DMD: variants seen among roughly 807,000 people sequenced by gnomAD.
DMD encodes mutant dystrophin.
A neutral mutation model predicts 330.1 loss-of-function variants in DMD; 63 were observed. The ratio of observed to expected loss-of-function variants is 0.19; its 90% CI spans 0.16 to 0.24. DMD has a LOEUF of 0.24. Ranked by LOEUF, DMD falls within the 10% of genes least tolerant of loss-of-function variation. The pLI, the probability that DMD is intolerant of heterozygous loss-of-function variation, is 1.00. For synonymous variants in DMD, 1,223 were observed against 959.8 expected (o/e 1.27, Z -5.07); for missense variants, 3,344 against 2,684.1 (o/e 1.25, Z -5.43).
intron 1 of DMD, among the ~76,000 whole-genome samples, chrX:33,130,879 C>T (rs1281394941): frequency 8.9e-6 from 1 of 111,749 alleles, no homozygotes; most frequent in Admixed American, 9.5e-5. Context: ...AGGCTTTTCA[C>T]TGTTCTAGGA....
At chrX:32,912,398 G>A (rs1415961998) in intron 2 of DMD, among the ~76,000 whole-genome samples, 1 of 110,742 alleles carries the variant, frequency 9.0e-6, no homozygotes, top group Non-Finnish European at 1.9e-5. Flanking sequence ...GTAGAGCAGT[G>A]TAAAGGAGCC....
intron 44 of DMD, among the ~76,000 whole-genome samples, chrX:32,158,048 C>A (rs1197781344): frequency 8.9e-6 from 1 of 112,047 alleles, no homozygotes; most frequent in Non-Finnish European, 1.9e-5. Flanking sequence ...CATTGTAGGG[C>A]AGCAGCTGAA....
At chrX:31,358,799 T>G (rs5927011) in intron 60 of DMD, among the ~76,000 whole-genome samples, 2 of 111,579 alleles carry the variant, frequency 1.8e-5, no homozygotes, top group Non-Finnish European at 3.8e-5. Flanking sequence ...TTTCTGCATT[T>G]TACCTGAAAT....
At chrX:32,848,996 T>A (rs941804762) in intron 3 of DMD, among the ~76,000 whole-genome samples, 1 of 111,239 alleles carries the variant, frequency 9.0e-6, no homozygotes, top group African/African-American at 3.3e-5. Context: ...TGTGTCTGTG[T>A]GTGTATGTGC....
At chrX:32,923,713 A>G (rs2088686346) in intron 2 of DMD, among the ~76,000 whole-genome samples, 1 of 111,983 alleles carries the variant, frequency 8.9e-6, no homozygotes, top group Non-Finnish European at 1.9e-5. Context: ...GTAAAAAGAT[A>G]GTTTTCATCA....
At position 32,940,925 on chromosome X, in the gene DMD, A is replaced by C. The variant is rs1007145586; in HGVS notation, c.93+79214T>G. ...CATATCACACAAAGGTTCAATATCT[A>C]GAATTTACAAGGAACTTAAAAAACT... On this transcript the variant is annotated intron_variant, in intron 2 of 78. Transcript: ENST00000357033. Among the ~76,000 whole-genome samples, 8 of 111,820 alleles carry C rather than the reference A, an allele frequency of 7.2e-5. No homozygotes were observed. In the East Asian group the frequency reaches 2.2e-3, roughly 31 times the overall value.
At chrX:32,250,503 C>A (rs2097259228) in intron 43 of DMD, among the ~76,000 whole-genome samples, 1 of 111,774 alleles carries the variant, frequency 8.9e-6, no homozygotes. Flanking sequence ...GTATTCCTAT[C>A]CATGCGGGTC....
chrX:32,245,869 C>G (rs1457087720), intron 43 of DMD, among the ~76,000 whole-genome samples: 12 of 100,143 alleles, frequency 1.2e-4, no homozygotes, highest in African/African-American at 4.6e-4. Context: ...TGGGCTGAGA[C>G]GATGGGGTTT....
chrX:31,187,753 G>C (rs1260079260), intron 67 of DMD, among the ~76,000 whole-genome samples: 1 of 91,174 alleles, frequency 1.1e-5, no homozygotes, highest in Non-Finnish European at 2.2e-5. Flanking sequence ...GAGAGAGAGA[G>C]AGAGAGAGAG....
At chrX:32,556,953 A>G (rs2050368125) in intron 16 of DMD, among the ~76,000 whole-genome samples, 1 of 111,762 alleles carries the variant, frequency 8.9e-6, no homozygotes, top group Non-Finnish European at 1.9e-5. Context: ...AATACTTGCA[A>G]TAACAGGTAC....
chrX:32,655,215 TTTAA>T (rs1360115246), intron 9 of DMD, among the ~76,000 whole-genome samples: 1 of 112,107 alleles, frequency 8.9e-6, no homozygotes, highest in African/African-American at 3.2e-5. Flanking sequence ...CTCTAGTTCT[TTTAA>T]TTGTTATGTT....
intron 1 of DMD, among the ~76,000 whole-genome samples, chrX:33,275,560 T>C (rs1167782364): frequency 1.8e-5 from 2 of 111,897 alleles, no homozygotes; most frequent in Non-Finnish European, 1.9e-5. Context: ...TAATTATGTG[T>C]CAACACCTGA....
At chrX:31,958,096 G>GCT (rs2095264150) in intron 45 of DMD, among the ~76,000 whole-genome samples, 1 of 74,594 alleles carries the variant, frequency 1.3e-5, no homozygotes, top group Non-Finnish European at 2.5e-5. Context: ...CATTTGGCCT[G>GCT]TTTTTTTTTT....
Position 32,447,595 on chromosome X carries a change from G to A in DMD, c.3786+861C>T, listed in dbSNP as rs1022382173. Among the ~76,000 whole-genome samples, 3 of 111,152 alleles carry A rather than the reference G, an allele frequency of 2.7e-5. No individual in the cohort carries two copies. In the Admixed American group the frequency reaches 2.9e-4, roughly 11 times the overall value. ...CTTTAAATATCAAACCCTCAACATA[G>A]GAAGCAAACTAAATAATGTTTTTCA... is the stretch of plus-strand genomic sequence containing the variant. On this transcript the variant is annotated intron_variant, in intron 27 of 78. Transcript: ENST00000357033.
intron 55 of DMD, among the ~76,000 whole-genome samples, chrX:31,521,228 G>A (rs1049385530): frequency 6.7e-5 from 7 of 105,140 alleles, no homozygotes; most frequent in African/African-American, 2.1e-4. Context: ...GTGTGATCTC[G>A]GCTCACTGCA....
intron 63 of DMD, among the ~76,000 whole-genome samples, chrX:31,254,656 T>C (rs2049744764): frequency 8.9e-6 from 1 of 111,893 alleles, no homozygotes; most frequent in Admixed American, 9.5e-5. Context: ...TGAGCCACTG[T>C]GCCCAGCCTA....
intron 43 of DMD, among the ~76,000 whole-genome samples, chrX:32,277,036 A>G (rs1265264472): frequency 4.5e-5 from 5 of 111,927 alleles, no homozygotes; most frequent in African/African-American, 1.6e-4. Flanking sequence ...TGTTGACCTC[A>G]AGAAGCACTC....
Position 31,509,230 on chromosome X carries a change from T to C in DMD, c.8218-1777A>G, listed in dbSNP as rs181877036. On this transcript the variant is annotated intron_variant, in intron 55 of 78. Coordinates refer to ENST00000357033, the MANE Select transcript of DMD (RefSeq NM_004006.3). The stretch of plus-strand genomic sequence containing the variant: ...GCAGAACGAAGTTTGGTCAAATATA[T>C]AGCCATTTTATGTTTTTCTTTCTTT... Among the ~76,000 whole-genome samples the C allele has an allele frequency of 1.3e-3, 145 of 112,027 alleles. 1 individual carries two copies. Among genetic ancestry groups the C allele is most frequent in the African/African-American group, 4.3e-3 (134 of 30,875 alleles).
chrX:32,765,710 T>C (rs774141450), intron 7 of DMD, among the ~76,000 whole-genome samples: 2 of 111,778 alleles, frequency 1.8e-5, no homozygotes, highest in African/African-American at 6.5e-5. Flanking sequence ...TTAATGTTGA[T>C]GCATTTCAAT....
Sources: allele counts gnomAD v4.1 joint callset (sites outside exome capture counted in the v4.1 genomes callset), GRCh38; gene constraint gnomAD v4.1.1; transcripts MANE v1.5; gene names NCBI Gene and HGNC (gene_info 2026-07-23, HGNC 2026-07-21).